The following PHLPP1 variants were observed in gnomAD, a reference collection of about 807,000 sequenced individuals.
PHLPP1 encodes the protein PH domain and leucine rich repeat protein phosphatase 1.
PHLPP1 carries 42 observed loss-of-function variants against 117.2 expected under a neutral mutation model. The ratio of observed to expected loss-of-function variants is 0.36; its 90% CI spans 0.28 to 0.46. PHLPP1 has a LOEUF of 0.46. Among genes scored for constraint, PHLPP1 ranks in the 20% least tolerant of loss-of-function variants. PHLPP1 has a pLI of 1.00. For missense variants in PHLPP1, 2,084 were observed against 2,241.9 expected (o/e 0.93, Z 1.42); for synonymous variants, 1,042 against 970.7 (o/e 1.07, Z -1.37).
intron 1 of PHLPP1, 74 bp downstream of exon 1, chr18:62,717,333 C>T (rs1910788911): frequency 6.6e-7 from 1 of 1,508,174 alleles, no homozygotes; most frequent in Non-Finnish European, 8.8e-7. Context: ...AATTGCTTGT[C>T]AGTTTGCCCA....
chr18:62,760,054 C>T (rs1912164794), intron 1 of PHLPP1, among the ~76,000 whole-genome samples: 1 of 152,092 alleles, frequency 6.6e-6, no homozygotes, highest in Non-Finnish European at 1.5e-5. Flanking sequence ...GATAGTAGTG[C>T]CCCCAGAATA....
intron 10 of PHLPP1, among the ~76,000 whole-genome samples, chr18:62,937,342 C>T (rs2440196): frequency 0.59 from 89,900 of 152,060 alleles, 26,801 homozygotes; most frequent in Middle Eastern, 0.69. Context: ...CTTTTGAACT[C>T]TATGCTGAGA....
intron 12 of PHLPP1, among the ~76,000 whole-genome samples, chr18:62,958,297 C>T (rs548159675): frequency 5.9e-5 from 9 of 152,124 alleles, no homozygotes; most frequent in East Asian, 1.9e-4. Flanking sequence ...TCTCATGGCA[C>T]GGAGATTTTG....
At chr18:62,896,295 G>GGT (rs1916562284) in intron 6 of PHLPP1, among the ~76,000 whole-genome samples, 3 of 140,266 alleles carry the variant, frequency 2.1e-5, no homozygotes, top group South Asian at 4.5e-4. Flanking sequence ...TGTTGTTCTT[G>GGT]TTTTTTTTTT....
At chr18:62,718,661 A>AT (rs1910831937) in intron 1 of PHLPP1, among the ~76,000 whole-genome samples, 2 of 152,198 alleles carry the variant, frequency 1.3e-5, no homozygotes, top group African/African-American at 4.8e-5. Context: ...GAAATAGATG[A>AT]TTTTTTATGT....
intron 2 of PHLPP1, among the ~76,000 whole-genome samples, chr18:62,831,710 C>G (rs1486377277): frequency 6.6e-6 from 1 of 152,136 alleles, no homozygotes; most frequent in Non-Finnish European, 1.5e-5. Context: ...GGAAGTAAGA[C>G]CACATGTGTA....
At chr18:62,746,199 C>T (rs966172252) in intron 1 of PHLPP1, among the ~76,000 whole-genome samples, 2 of 152,156 alleles carry the variant, frequency 1.3e-5, no homozygotes, top group Admixed American at 6.5e-5. Flanking sequence ...GCATGAGCCA[C>T]CATACCCGGC....
Position 62,763,156 on chromosome 18 carries a change from G to A in PHLPP1, c.1576+45897G>A, listed in dbSNP as rs569521906. On this transcript the variant is annotated intron_variant, in intron 1 of 16. Transcript: ENST00000262719. ...TTCTCTAGCAATCACTTCTCCCTCC[G>A]GGCTATGCATGAGCTCCCAAGCTGT... Among the ~76,000 whole-genome samples the A allele has an allele frequency of 7.2e-5, 11 of 152,184 alleles. No homozygotes were observed. The South Asian group carries it at 1.5e-3, about 20-fold the overall frequency.
intron 14 of PHLPP1, among the ~76,000 whole-genome samples, chr18:62,965,848 A>G (rs975180806): frequency 4.0e-5 from 6 of 151,774 alleles, no homozygotes; most frequent in East Asian, 1.9e-4. Flanking sequence ...AAAAAAAAAA[A>G]AAAGAAAGAA....
intron 11 of PHLPP1, 75 bp downstream of exon 11, chr18:62,941,993 T>A (rs1187260216): frequency 8.4e-7 from 1 of 1,192,806 alleles, no homozygotes; most frequent in East Asian, 2.4e-5. Flanking sequence ...AAGGCTGAAA[T>A]ATTTATTTCC....
chr18:62,895,668 G>T (rs879048264), intron 5 of PHLPP1, 113 bp from the exon 6 acceptor site: 14 of 706,054 alleles, frequency 2.0e-5, no homozygotes, highest in Non-Finnish European at 2.9e-5. Context: ...GGCATTTTGC[G>T]AAGAATAATA....
chr18:62,732,851 A>G (rs1220951490), intron 1 of PHLPP1, among the ~76,000 whole-genome samples: 1 of 152,178 alleles, frequency 6.6e-6, no homozygotes, highest in African/African-American at 2.4e-5. Flanking sequence ...GTAACTGCAG[A>G]TGTGTTGGAA....
At chr18:62,874,076 C>G (rs1461374494) in intron 4 of PHLPP1, among the ~76,000 whole-genome samples, 1 of 150,276 alleles carries the variant, frequency 6.7e-6, no homozygotes, top group Non-Finnish European at 1.5e-5. Flanking sequence ...CCCAGCTACT[C>G]GTGAGGCTGA....
chr18:62,866,228 GTTT>G (rs1915767678), intron 4 of PHLPP1, among the ~76,000 whole-genome samples: 1 of 150,738 alleles, frequency 6.6e-6, no homozygotes, highest in South Asian at 2.1e-4. Flanking sequence ...AGGCCAAAAC[GTTT>G]TTGTTTTTGT....
chr18:62,882,461 C>T (rs1443387636), intron 4 of PHLPP1, among the ~76,000 whole-genome samples: 5 of 151,976 alleles, frequency 3.3e-5, no homozygotes, highest in East Asian at 3.9e-4. Context: ...TTAGTAGAGA[C>T]GGGGTTTCAC....
In PHLPP1 at chr18:62,900,433, C is replaced by CTTTTTTTTTTTTTTTTTTTTTTTTTTT. The variant is rs774225759; in HGVS notation, c.2445-2529_2445-2503dup. On this transcript the variant is annotated intron_variant, in intron 6 of 16. Transcript: ENST00000262719. ...GTATTCTTGTTTTTTCTTTTTCTTT[C>CTTTTTTTTTTTTTTTTTTTTTTTTTTT]TTTTTTTTTTTTTTTTTTTTTTTTT... Among the ~76,000 whole-genome samples the CTTTTTTTTTTTTTTTTTTTTTTTTTTT allele has an allele frequency of 9.2e-5, 5 of 54,258 alleles. 1 individual carries two copies. Among genetic ancestry groups the CTTTTTTTTTTTTTTTTTTTTTTTTTTT allele is most frequent in the Admixed American group, 2.3e-4 (1 of 4,376 alleles). The allele number at this position is 54,258 out of a possible 152,430, so 35.6% of individuals were successfully genotyped here. A position where few individuals can be genotyped will look rare whatever the true frequency, so the allele number is the denominator to read the frequency against.
At chr18:62,901,437 A>G (rs1240510128) in intron 6 of PHLPP1, among the ~76,000 whole-genome samples, 1 of 152,192 alleles carries the variant, frequency 6.6e-6, no homozygotes. Flanking sequence ...GGAAAAGGCC[A>G]TATGCTGTGC....
chr18:62,753,376 A>G (rs1419444244), intron 1 of PHLPP1, among the ~76,000 whole-genome samples: 1 of 152,234 alleles, frequency 6.6e-6, no homozygotes, highest in Non-Finnish European at 1.5e-5. Context: ...AATATGGTTT[A>G]TATATAGAGT....
Position 62,734,503 on chromosome 18 carries a change from G to A in PHLPP1, c.1576+17244G>A, listed in dbSNP as rs181567679. 2.0e-4 allele frequency among the ~76,000 whole-genome samples: 31 copies of A among 152,250 alleles called. No homozygotes were observed. The East Asian group carries it at 4.2e-3, about 21-fold the overall frequency. ...CTATTATAAATTATTTTTATCTTGA[G>A]TAGATGGCAGTGGCTCTGTGAAATA... On this transcript the variant is annotated intron_variant, in intron 1 of 16. Transcript: ENST00000262719.
Sources: allele counts gnomAD v4.1 joint callset (sites outside exome capture counted in the v4.1 genomes callset), GRCh38; gene constraint gnomAD v4.1.1; transcripts MANE v1.5; gene names NCBI Gene and HGNC (gene_info 2026-07-23, HGNC 2026-07-21).